The following FTO variants were observed in gnomAD, a reference collection of about 807,000 sequenced individuals.
FTO encodes FTO alpha-ketoglutarate dependent dioxygenase.
In FTO, 47 loss-of-function variants were observed where a neutral mutation model predicts 63.9. The observed-to-expected ratio is 0.74, with a 90% CI of 0.58 to 0.94. The LOEUF (loss-of-function observed/expected upper bound fraction) is 0.94. Among genes scored for constraint, FTO ranks in the 40% least tolerant of loss-of-function variants. FTO has a pLI of 0.00. For missense variants in FTO, 562 were observed against 618.1 expected (o/e 0.91, Z 0.96); for synonymous variants, 207 against 224.4 (o/e 0.92, Z 0.69).
chr16:53,951,018 C>T (rs1047532009), intron 8 of FTO, among the ~76,000 whole-genome samples: 20 of 152,300 alleles, frequency 1.3e-4, no homozygotes, highest in Non-Finnish European at 2.9e-4. Flanking sequence ...TAGTGGAAAC[C>T]TTTATGTCCC....
intron 7 of FTO, among the ~76,000 whole-genome samples, chr16:53,918,345 C>G (rs1490142123): frequency 6.6e-6 from 1 of 152,154 alleles, no homozygotes; most frequent in Non-Finnish European, 1.5e-5. Flanking sequence ...CAGCATGTTA[C>G]TGTACTGCAC....
At chr16:54,086,853 G>A (rs760559868) in intron 8 of FTO, among the ~76,000 whole-genome samples, 5 of 152,204 alleles carry the variant, frequency 3.3e-5, no homozygotes, top group Non-Finnish European at 5.9e-5. Flanking sequence ...TAGGGGAGGG[G>A]TCGTGAACTG....
chr16:53,945,723 A>G (rs1052665611), intron 8 of FTO, among the ~76,000 whole-genome samples: 5 of 152,176 alleles, frequency 3.3e-5, no homozygotes, highest in African/African-American at 1.2e-4. Flanking sequence ...TATTGGTTAC[A>G]GTCTTTTAGA....
intron 8 of FTO, among the ~76,000 whole-genome samples, chr16:54,108,427 G>A (rs1369282408): frequency 7.2e-5 from 11 of 152,114 alleles, no homozygotes; most frequent in Admixed American, 5.9e-4. Context: ...TCAGGGTCTT[G>A]GAATGTCAAA....
chr16:54,026,440 A>G (rs2084717577), intron 8 of FTO, among the ~76,000 whole-genome samples: 1 of 152,224 alleles, frequency 6.6e-6, no homozygotes, highest in African/African-American at 2.4e-5. Context: ...GCCTTGCCCA[A>G]CAATCTCTAC....
chr16:54,066,682 G>C (rs2085741645), intron 8 of FTO, among the ~76,000 whole-genome samples: 1 of 152,204 alleles, frequency 6.6e-6, no homozygotes, highest in Non-Finnish European at 1.5e-5. Context: ...TCATGTCCCA[G>C]GCATTTGCAA....
At chr16:53,791,062 G>A (rs1364140923) in intron 1 of FTO, among the ~76,000 whole-genome samples, 1 of 152,218 alleles carries the variant, frequency 6.6e-6, no homozygotes, top group African/African-American at 2.4e-5. Flanking sequence ...ACTGTGCCCA[G>A]TGTTTCCCTA....
At chr16:53,722,452 T>C (rs1236065001) in intron 1 of FTO, among the ~76,000 whole-genome samples, 1 of 152,096 alleles carries the variant, frequency 6.6e-6, no homozygotes, top group Non-Finnish European at 1.5e-5. Flanking sequence ...TGTTTTTTGT[T>C]TTTTTTTACT....
intron 7 of FTO, among the ~76,000 whole-genome samples, chr16:53,930,550 T>C (rs1224414950): frequency 6.6e-6 from 1 of 152,174 alleles, no homozygotes; most frequent in Non-Finnish European, 1.5e-5. Context: ...TAAGTACCAT[T>C]TTTCTTTTGA....
At chr16:53,955,917 G>C (rs1034225144) in intron 8 of FTO, among the ~76,000 whole-genome samples, 1 of 152,138 alleles carries the variant, frequency 6.6e-6, no homozygotes, top group East Asian at 1.9e-4. Context: ...GCCAAGGTGG[G>C]AGGATTGCTT....
At chr16:53,832,697 T>G (rs9934773) in intron 3 of FTO, among the ~76,000 whole-genome samples, 114,142 of 152,100 alleles carry the variant, frequency 0.75, 42,908 homozygotes, top group African/African-American at 0.82. Flanking sequence ...GTTATGTATA[T>G]CAGTAGCTCA....
Position 53,931,298 on chromosome 16 carries a change from C to T in FTO, c.1240-2687C>T, listed in dbSNP as rs544239089. Among the ~76,000 whole-genome samples the T allele has an allele frequency of 5.5e-3, 563 of 101,926 alleles. 4 individuals are homozygous for T. The highest frequency in any genetic ancestry group is 0.021 in the African/African-American group (540 of 26,332). 66.9% of individuals were successfully genotyped at this position (101,926 alleles called of 152,430 possible). On this transcript the variant is annotated intron_variant, in intron 7 of 8. Coordinates refer to ENST00000471389, the MANE Select transcript of FTO (RefSeq NM_001080432.3). ...ACAGATATAACCACAAACTATGTGACTTTTTTTTTTTTTTTTTTTTTTTTT... is the reference window on the plus strand; with the variant it reads ...ACAGATATAACCACAAACTATGTGATTTTTTTTTTTTTTTTTTTTTTTTTT...
At chr16:53,795,855 T>G (rs1284496755) in intron 1 of FTO, among the ~76,000 whole-genome samples, 2 of 152,074 alleles carry the variant, frequency 1.3e-5, no homozygotes, top group Non-Finnish European at 2.9e-5. Context: ...GAAGTTATAG[T>G]TAATTTTGAT....
intron 4 of FTO, among the ~76,000 whole-genome samples, chr16:53,856,292 G>A (rs972845317): frequency 4.0e-5 from 6 of 151,668 alleles, no homozygotes; most frequent in Non-Finnish European, 1.5e-5. Flanking sequence ...ACGTTTCAAG[G>A]TCAGACTATA....
At chr16:53,708,816 T>A (rs1040075171) in intron 1 of FTO, among the ~76,000 whole-genome samples, 1 of 152,238 alleles carries the variant, frequency 6.6e-6, no homozygotes, top group African/African-American at 2.4e-5. Flanking sequence ...CATGTGTATA[T>A]CTTCTTTTGT....
chr16:53,755,071 TTA>T (rs1459770693), intron 1 of FTO, among the ~76,000 whole-genome samples: 2 of 152,194 alleles, frequency 1.3e-5, no homozygotes, highest in Non-Finnish European at 2.9e-5. Flanking sequence ...AAAACATGTG[TTA>T]GAAGAAGTAA....
intron 8 of FTO, among the ~76,000 whole-genome samples, chr16:53,967,182 C>T (rs1299836167): frequency 6.6e-6 from 1 of 151,986 alleles, no homozygotes; most frequent in Non-Finnish European, 1.5e-5. Flanking sequence ...CTCTCTCTTC[C>T]ATCCCCTAGG....
intron 1 of FTO, among the ~76,000 whole-genome samples, chr16:53,782,573 A>G (rs907845558): frequency 2.0e-5 from 3 of 152,202 alleles, no homozygotes; most frequent in African/African-American, 7.2e-5. Context: ...AGAATATACA[A>G]TCTCAGGGCT....
intron 4 of FTO, among the ~76,000 whole-genome samples, chr16:53,852,134 GGTATGGTGGCAAACAC>G (rs1354792916): frequency 7.1e-6 from 1 of 141,792 alleles, no homozygotes; most frequent in Non-Finnish European, 1.5e-5. Flanking sequence ...AGGTAAGCCA[GGTATGGTGGCAAACAC>G]CCGTGGTCAC....
Sources: allele counts gnomAD v4.1 joint callset (sites outside exome capture counted in the v4.1 genomes callset), GRCh38; gene constraint gnomAD v4.1.1; transcripts MANE v1.5; gene names NCBI Gene and HGNC (gene_info 2026-07-23, HGNC 2026-07-21).